PHLDB3: variants seen among roughly 807,000 people sequenced by gnomAD.
PHLDB3 encodes pleckstrin homology like domain family B member 3.
PHLDB3 carries 86 observed loss-of-function variants against 85.7 expected under a neutral mutation model. The ratio of observed to expected loss-of-function variants is 1.00; its 90% CI spans 0.84 to 1.20. The LOEUF (loss-of-function observed/expected upper bound fraction) is 1.20, where lower values mean the gene tolerates loss of function less well. Among genes scored for constraint, PHLDB3 ranks in the 50% most tolerant of loss-of-function variants. The pLI, the probability that PHLDB3 is intolerant of heterozygous loss-of-function variation, is 0.00. For synonymous variants in PHLDB3, 376 were observed against 349.8 expected, an observed-to-expected ratio of 1.07 and a Z score of -0.83; for missense variants, 995 against 873.0, an observed-to-expected ratio of 1.14 and a Z score of -1.76.
At chr19:43,498,275 G>A (rs1024317246) in intron 4 of PHLDB3, among the ~76,000 whole-genome samples, 3 of 152,070 alleles carry the variant, frequency 2.0e-5, no homozygotes, top group East Asian at 1.9e-4. Context: ...GGAGATTGAG[G>A]CTGCACTGAG....
intron 6 of PHLDB3, chr19:43,496,794 C>A: frequency 2.6e-6 from 1 of 380,612 alleles, no homozygotes; most frequent in Non-Finnish European, 4.6e-6. Flanking sequence ...ATAAAAAAAT[C>A]CTGGCTCTGT....
At chr19:43,501,954 G>C in intron 3 of PHLDB3, 83 bp from the exon 4 acceptor site, 1 of 1,488,950 alleles carries the variant, frequency 6.7e-7, no homozygotes, top group East Asian at 2.5e-5. Context: ...GGATTCGAAG[G>C]GAGGATGGAC....
At chr19:43,494,663 A>T (rs750959451) in intron 9 of PHLDB3, 39 bp downstream of exon 9, 5 of 1,500,668 alleles carry the variant, frequency 3.3e-6, no homozygotes, top group Non-Finnish European at 2.7e-6. Context: ...TCACTGACCA[A>T]TAAGATATAT....
rs116553749 is a variant in PHLDB3 at position 43,498,197 on chromosome 19, A to G, written c.535-321T>C. 6.6e-3 allele frequency among the ~76,000 whole-genome samples: 1,008 copies of G among 151,586 alleles called. 8 individuals are homozygous for G. Among genetic ancestry groups the G allele is most frequent in the African/African-American group, 0.024 (975 of 41,324 alleles). ...TACAAAAAAACAAAAAAATTAGTGG[A>G]GTGTGTTAGTGCACGCCTGTAGTTC... On this transcript the variant is annotated intron_variant, in intron 4 of 15. Transcript: ENST00000292140.
chr19:43,494,955 C>G, intron 8 of PHLDB3, 140 bp from the exon 9 acceptor site: 1 of 667,172 alleles, frequency 1.5e-6, no homozygotes, highest in Non-Finnish European at 2.6e-6. Context: ...TGTGGTCCTT[C>G]GTGTCCAGTC....
rs377400669 is a variant in PHLDB3, at chr19:43,502,201, C to G, written c.296G>C (p.Arg99Pro). Residue 99 changes from arginine (R) to proline (P), a missense_variant, in exon 3 of 16, where the codon CGG (arginine) becomes CCG (proline). Physicochemically the swap from Arg to Pro is moderately radical, Grantham distance 103. Coordinates refer to ENST00000292140, the MANE Select transcript of PHLDB3 (RefSeq NM_198850.4). ...SSREGVRGAA[R>P]RLQGQQLEAL... ...CTCCAGCTGCTGTCCTTGCAGGCGC[C>G]GCGCCGCCCCTCGCACCCCTTCCCG... 1.3e-6 allele frequency: 2 copies of G among 1,569,500 alleles called. No individual in the cohort carries two copies. The highest frequency in any genetic ancestry group is 1.7e-6 in the Non-Finnish European group (2 of 1,157,812).
At chr19:43,503,767 T>G in intron 2 of PHLDB3, 139 bp downstream of exon 2, 1 of 929,590 alleles carries the variant, frequency 1.1e-6, no homozygotes, top group Non-Finnish European at 1.6e-6. Flanking sequence ...CTCTCAGTAG[T>G]CTCTGCTATC....
chr19:43,499,922 G>A (rs899801628), intron 4 of PHLDB3, among the ~76,000 whole-genome samples: 2 of 151,956 alleles, frequency 1.3e-5, no homozygotes, highest in Non-Finnish European at 2.9e-5. Context: ...TGTATTTTTA[G>A]TAGAGATGGG....
intron 4 of PHLDB3, among the ~76,000 whole-genome samples, chr19:43,500,038 G>C (rs1465455432): frequency 6.6e-6 from 1 of 152,032 alleles, no homozygotes; most frequent in Non-Finnish European, 1.5e-5. Context: ...TCAGGAGTTC[G>C]AGACCAGCCT....
chr19:43,491,092 C>T (rs1971302112), intron 9 of PHLDB3, among the ~76,000 whole-genome samples: 1 of 152,192 alleles, frequency 6.6e-6, no homozygotes, highest in East Asian at 1.9e-4. Context: ...GCCAACAAGT[C>T]AGGTGACAAC....
intron 9 of PHLDB3, among the ~76,000 whole-genome samples, chr19:43,492,665 G>A (rs1200174483): frequency 1.3e-5 from 2 of 148,160 alleles, no homozygotes; most frequent in African/African-American, 5.0e-5. Context: ...CCTAAGTTCT[G>A]AAAACAGAGT....
intron 14 of PHLDB3, 115 bp downstream of exon 14, chr19:43,479,262 C>T (rs954448247): frequency 1.8e-6 from 2 of 1,126,708 alleles, no homozygotes; most frequent in East Asian, 5.2e-5. Context: ...AACCAAACTT[C>T]TGGATCCTGG....
rs778449405 is a variant in PHLDB3 at position 43,475,522 on chromosome 19, A to T, written c.1811T>A (p.Phe604Tyr). Residue 604 changes from phenylalanine (F) to tyrosine (Y), a missense_variant, in exon 16 of 16, where the codon TTC becomes TAC. Coordinates refer to ENST00000292140, the MANE Select transcript of PHLDB3 (RefSeq NM_198850.4). ...AAGGCGTTCGTAGGTTTTGACGCAG[A>T]AGGTCAGGCGGGGGTTGGGGCTCTG... Reference protein sequence around the residue: ...AFKSPNPRLTFCVKTYERLFY... With the variant: ...AFKSPNPRLTYCVKTYERLFY... The T allele has an allele frequency of 1.9e-6, 3 of 1,613,792 alleles. No homozygotes were observed. Among genetic ancestry groups the T allele is most frequent in the Non-Finnish European group, 1.7e-6 (2 of 1,179,888 alleles).
chr19:43,497,719 A>G, intron 5 of PHLDB3, 29 bp downstream of exon 5: 2 of 1,546,294 alleles, frequency 1.3e-6, no homozygotes, highest in Non-Finnish European at 1.7e-6. Context: ...CTCAAAAAAA[A>G]CAAAAAAGAA....
intron 1 of PHLDB3, 27 bp from the exon 2 acceptor site, chr19:43,504,159 C>T (rs1971694376): frequency 6.5e-7 from 1 of 1,535,458 alleles, no homozygotes; most frequent in Non-Finnish European, 8.7e-7. Flanking sequence ...ACCAGAAGCT[C>T]CGGGGGCGGG....
At chr19:43,477,947 G>T in intron 15 of PHLDB3, 100 bp downstream of exon 15, 1 of 826,582 alleles carries the variant, frequency 1.2e-6, no homozygotes, top group Non-Finnish European at 1.9e-6. Flanking sequence ...GACAGGAGAA[G>T]CTGCGGGTGG....
chr19:43,495,234 G>A, intron 8 of PHLDB3, 22 bp downstream of exon 8: 2 of 1,607,494 alleles, frequency 1.2e-6, no homozygotes, highest in Non-Finnish European at 1.7e-6. Context: ...GAGGGACTGA[G>A]AGGCATACAA....
At chr19:43,491,123 G>A (rs2599442) in intron 9 of PHLDB3, among the ~76,000 whole-genome samples, 31,272 of 152,112 alleles carry the variant, frequency 0.21, 3,308 homozygotes, top group Non-Finnish European at 0.23. Flanking sequence ...TGGACATGGC[G>A]TCCCACCAAA....
At chr19:43,497,066 G>A in intron 6 of PHLDB3, 52 bp downstream of exon 6, 1 of 1,389,714 alleles carries the variant, frequency 7.2e-7, no homozygotes, top group Non-Finnish European at 9.3e-7. Context: ...CACAGAGCAG[G>A]GGAGACAGAG....
Sources: allele counts gnomAD v4.1 joint callset (sites outside exome capture counted in the v4.1 genomes callset), GRCh38; gene constraint gnomAD v4.1.1; transcripts MANE v1.5; gene names NCBI Gene and HGNC (gene_info 2026-07-23, HGNC 2026-07-21).